The following ABAT variants were observed in gnomAD, a reference collection of about 807,000 sequenced individuals.
ABAT encodes the protein 4-aminobutyrate aminotransferase, mitochondrial.
In ABAT, 45 loss-of-function variants were observed where a neutral mutation model predicts 64.6. The ratio of observed to expected loss-of-function variants is 0.70; its 90% CI spans 0.55 to 0.89. ABAT has a LOEUF of 0.89. ABAT is among the 40% of genes least tolerant of loss of function. The pLI is 0.00. For synonymous variants in ABAT, 297 were observed against 250.5 expected (o/e 1.19, Z -1.75); for missense variants, 633 against 658.4 (o/e 0.96, Z 0.42).
chr16:8,706,419 A>AAG (rs199853712), intron 1 of ABAT, among the ~76,000 whole-genome samples: 51 of 148,054 alleles, frequency 3.4e-4, no homozygotes, highest in East Asian at 2.6e-3. Context: ...AAAAAAAAAA[A>AAG]AAAAGAAAAG....
intron 1 of ABAT, chr16:8,713,833 G>C (rs1260966972): frequency 2.2e-6 from 1 of 455,972 alleles, no homozygotes; most frequent in South Asian, 1.5e-5. Flanking sequence ...CAAGCGAGCT[G>C]AGCTCGCCGC....
At chr16:8,778,049 G>A (rs377018741) in intron 14 of ABAT, among the ~76,000 whole-genome samples, 15 of 152,264 alleles carry the variant, frequency 9.9e-5, no homozygotes, top group African/African-American at 3.4e-4. Context: ...CCAATGAGCT[G>A]CCGTGAAATA....
intron 2 of ABAT, among the ~76,000 whole-genome samples, chr16:8,743,441 A>ATG (rs2059229761): frequency 1.1e-5 from 1 of 89,018 alleles, no homozygotes; most frequent in Non-Finnish European, 2.4e-5. Flanking sequence ...ATATATATAT[A>ATG]TATACACACA....
chr16:8,766,317 A>G, intron 9 of ABAT, 47 bp downstream of exon 9: 1 of 1,588,012 alleles, frequency 6.3e-7, no homozygotes, highest in South Asian at 1.1e-5. Context: ...GAAGCTGCAC[A>G]GCCTCTCCCG....
chr16:8,678,510 TCTC>T (rs1221815857), intron 1 of ABAT, among the ~76,000 whole-genome samples: 1 of 152,166 alleles, frequency 6.6e-6, no homozygotes, highest in African/African-American at 2.4e-5. Flanking sequence ...ATCACCCGCT[TCTC>T]CACCAGGCAT....
At chr16:8,745,941 G>A in intron 2 of ABAT, 60 bp from the exon 3 acceptor site, 2 of 1,530,776 alleles carry the variant, frequency 1.3e-6, no homozygotes, top group East Asian at 2.3e-5. Context: ...ATCTGTCAGG[G>A]CAGAATCCTC....
At chr16:8,733,118 G>C (rs2058795563) in intron 1 of ABAT, among the ~76,000 whole-genome samples, 1 of 148,756 alleles carries the variant, frequency 6.7e-6, no homozygotes, top group Non-Finnish European at 1.5e-5. Context: ...CTGGCCGGGC[G>C]GGGGGCTGAC....
At chr16:8,732,229 T>A (rs1250347651) in intron 1 of ABAT, among the ~76,000 whole-genome samples, 8 of 146,158 alleles carry the variant, frequency 5.5e-5, no homozygotes, top group African/African-American at 1.6e-4. Flanking sequence ...TTTTTTAATT[T>A]ATTTATTTTT....
At position 8,720,093 on chromosome 16, in the gene ABAT, G is replaced by A. The variant is rs532266191; in HGVS notation, c.-41-15606G>A. On this transcript the variant is annotated intron_variant, in intron 1 of 15. Coordinates refer to ENST00000268251, the MANE Select transcript of ABAT (RefSeq NM_020686.6). ...CTCCCAAAGTGCTAGGATTACAGGC[G>A]TGAGCCATCGCGCCCAGCCAAAATG... 3.7e-4 allele frequency among the ~76,000 whole-genome samples: 57 copies of A among 152,288 alleles called. No homozygotes were observed. The South Asian group carries it at 6.6e-3, about 18-fold the overall frequency.
chr16:8,771,664 T>C (rs1386343571), intron 11 of ABAT, among the ~76,000 whole-genome samples: 1 of 151,922 alleles, frequency 6.6e-6, no homozygotes, highest in Non-Finnish European at 1.5e-5. Flanking sequence ...AGATGGGGTT[T>C]CACCATGGTA....
At chr16:8,698,382 A>G (rs1311424083) in intron 1 of ABAT, among the ~76,000 whole-genome samples, 3 of 151,204 alleles carry the variant, frequency 2.0e-5, no homozygotes, top group African/African-American at 7.3e-5. Context: ...CCCCCAGGCT[A>G]GAGTGCAATG....
chr16:8,778,004 T>C (rs1489715500), intron 14 of ABAT, among the ~76,000 whole-genome samples: 7 of 152,168 alleles, frequency 4.6e-5, no homozygotes, highest in Admixed American at 2.0e-4. Flanking sequence ...CCCGGCTCTG[T>C]CACCCCCAGA....
intron 3 of ABAT, 59 bp downstream of exon 3, chr16:8,746,157 C>A: frequency 7.4e-7 from 1 of 1,349,504 alleles, no homozygotes; most frequent in Non-Finnish European, 1.1e-6. Flanking sequence ...GCCTAAGAAG[C>A]AAAAGCACAG....
intron 15 of ABAT, chr16:8,780,858 C>A: frequency 2.8e-6 from 1 of 351,760 alleles, no homozygotes; most frequent in Non-Finnish European, 5.4e-6. Flanking sequence ...AGAGCCTGTC[C>A]CTCCTCCGTA....
At chr16:8,770,951 T>C (rs113323578) in intron 11 of ABAT, among the ~76,000 whole-genome samples, 1,845 of 152,330 alleles carry the variant, frequency 0.012, 49 homozygotes, top group African/African-American at 0.043. Context: ...TTTCTTCGTA[T>C]TCAGTTTTTG....
Position 8,750,455 on chromosome 16 carries a change from G to A in ABAT, c.232G>A (p.Glu78Lys), listed in dbSNP as rs565305929. 9 of 1,614,140 alleles carry A rather than the reference G, an allele frequency of 5.6e-6. No individual in the cohort carries two copies. Among genetic ancestry groups the A allele is most frequent in the South Asian group, 1.1e-5 (1 of 91,082 alleles). ...GGCTGTGCATTTTTTCTGCAATTAC[G>A]AAGAGAGCCGAGGCAATTACCTGGT... ...AEAVHFFCNY[E>K]ESRGNYLVDV... Residue 78 changes from glutamate (E) to lysine (K), a missense_variant, in exon 5 of 16, where the codon GAA becomes AAA. Transcript: ENST00000268251.
At chr16:8,744,934 C>T (rs566658225) in intron 2 of ABAT, among the ~76,000 whole-genome samples, 1 of 152,228 alleles carries the variant, frequency 6.6e-6, no homozygotes, top group South Asian at 2.1e-4. Flanking sequence ...GTTGACTATG[C>T]CACATTCTGC....
At chr16:8,739,557 A>C (rs1347413920) in intron 2 of ABAT, among the ~76,000 whole-genome samples, 1 of 152,120 alleles carries the variant, frequency 6.6e-6, no homozygotes, top group Non-Finnish European at 1.5e-5. Context: ...GTCTCTACTA[A>C]AAATACAAAA....
chr16:8,680,582 C>A (rs141679356), intron 1 of ABAT, among the ~76,000 whole-genome samples: 2 of 152,060 alleles, frequency 1.3e-5, no homozygotes. Context: ...GCCACAACCA[C>A]GCCCGGCTAA....
Sources: gnomAD v4.1 joint callset for allele counts (sites outside exome capture counted in the v4.1 genomes callset) on GRCh38, gnomAD v4.1.1 for gene constraint, MANE v1.5 for transcripts, NCBI Gene and HGNC (gene_info 2026-07-23, HGNC 2026-07-21) for gene names.